Variants in DCTN1 observed in about 807,000 individuals in gnomAD.
DCTN1 encodes dynactin subunit 1, also known as 150 kDa dynein-associated polypeptide.
DCTN1 carries 61 observed loss-of-function variants against 161.2 expected under a neutral mutation model. The observed-to-expected ratio is 0.38, with a 90% CI of 0.31 to 0.47. DCTN1 has a LOEUF of 0.47. DCTN1 is among the 20% of genes least tolerant of loss of function. The probability of loss-of-function intolerance (pLI) is 0.99; values close to 1 mark genes in which losing one functional copy is unlikely to be tolerated. For missense variants in DCTN1, 1,404 were observed against 1,623.7 expected (o/e 0.86, Z 2.33); for synonymous variants, 653 against 632.4 (o/e 1.03, Z -0.49).
Position 74,364,674 on chromosome 2 carries a change from G to A in DCTN1, c.3196+401C>T, listed in dbSNP as rs148405274. On this transcript the variant is annotated intron_variant, in intron 26 of 31. Transcript: ENST00000628224. ...CATGAACTCAGTGAGAAAACACAGT[G>A]TCCAAGCAGAGAAGCAATCAAGAGC... 166 of 325,170 alleles carry A rather than the reference G, an allele frequency of 5.1e-4. 1 individual carries two copies. The highest frequency in any genetic ancestry group is 3.3e-3 in the African/African-American group (155 of 46,798). 20.1% of individuals were successfully genotyped at this position (325,170 alleles called of 1,614,324 possible).
intron 1 of DCTN1, chr2:74,390,608 ACT>A (rs1237096302): frequency 2.1e-6 from 1 of 467,340 alleles, no homozygotes; most frequent in Admixed American, 2.4e-5. Context: ...AGATAAAGTG[ACT>A]CTCTCAAGGC....
intron 5 of DCTN1, 114 bp from the exon 6 acceptor site, chr2:74,374,454 C>G: frequency 1.3e-6 from 2 of 1,573,086 alleles, no homozygotes; most frequent in Non-Finnish European, 8.6e-7. Context: ...GGCAAGAGAC[C>G]GAACAGAGGG....
In DCTN1 at chr2:74,378,349, CAG is replaced by C. The variant is rs1330859448; in HGVS notation, c.34-106_34-105del. The C allele has an allele frequency of 8.9e-6, 13 of 1,457,292 alleles. No homozygotes were observed. The Admixed American group carries it at 1.3e-4, about 15-fold the overall frequency. The allele number at this position is 1,457,292 out of a possible 1,614,324, so 90.3% of individuals were successfully genotyped here. A position where few individuals can be genotyped will look rare whatever the true frequency, so the allele number is the denominator to read the frequency against. ...CCAAGATGCTGGACTGAAAAACAAC[CAG>C]AGTCATTTTCTTAAACCCCATTTAC... On this transcript the variant is annotated intron_variant, in intron 1 of 31. Transcript: ENST00000628224.
rs1674338908 is a variant in DCTN1, at chr2:74,365,517, C to T, written c.3027G>A (p.Glu1009=). ...EETQALLRKK[E]KEFEETMDAL... ...AGGCCCCAGGGAAAGTGCCTGACTT[C>T]TCCTTCTTTCGCAGCAGTGCCTGGG... is the stretch of plus-strand genomic sequence containing the variant. The change falls in exon 25 of 32, where the codon GAG becomes GAA. Residue 1009 remains glutamate (E), a splice_region_variant and synonymous_variant. Coordinates refer to ENST00000628224, the MANE Select transcript of DCTN1 (RefSeq NM_004082.5). 1.2e-6 allele frequency: 2 copies of T among 1,614,118 alleles called. No homozygotes were observed. The highest frequency in any genetic ancestry group is 1.7e-6 in the Non-Finnish European group (2 of 1,180,010).
At chr2:74,385,427 C>A (rs1361651112) in intron 1 of DCTN1, 1 of 152,270 alleles carries the variant, frequency 6.6e-6, no homozygotes, top group African/African-American at 2.4e-5. Flanking sequence ...AATCAACCAG[C>A]AAGTTCCTGG....
chr2:74,367,426 G>A lies in DCTN1; in HGVS notation c.2185-6C>T, dbSNP rs1187703182. On this transcript the variant is annotated splice_polypyrimidine_tract_variant and splice_region_variant and intron_variant, in intron 18 of 31. Coordinates refer to ENST00000628224, the MANE Select transcript of DCTN1 (RefSeq NM_004082.5). ...AGGTGGATGCTGTACAGATGCTGAG[G>A]AGAGATAACAGACAGACAACTTTTA... 5.6e-6 allele frequency: 9 copies of A among 1,613,992 alleles called. No homozygotes were observed. In the African/African-American group the frequency reaches 9.3e-5, roughly 17 times the overall value.
At chr2:74,367,608 A>T (rs1312668449) in intron 18 of DCTN1, 88 bp downstream of exon 18, 45 of 1,588,732 alleles carry the variant, frequency 2.8e-5, no homozygotes, top group Non-Finnish European at 3.9e-5. Flanking sequence ...CAAGCATGGG[A>T]CATACAACCT....
At position 74,373,015 on chromosome 2, in the gene DCTN1, G is replaced by A. The variant is rs1185838915; in HGVS notation, c.433-67C>T. ...GAAAGGACAATGGCAGAAAGACAGA[G>A]AGCAAAAGGGACAGCAATGAGAGCA... On this transcript the variant is annotated intron_variant, in intron 6 of 31. Transcript: ENST00000628224. The A allele has an allele frequency of 4.1e-6, 6 of 1,449,878 alleles. No homozygotes were observed. The African/African-American group carries it at 5.6e-5, about 14-fold the overall frequency. The allele number at this position is 1,449,878 out of a possible 1,614,324, so 89.8% of individuals were successfully genotyped here.
At chr2:74,362,198 C>T in intron 30 of DCTN1, 57 bp from the exon 31 acceptor site, 1 of 1,524,092 alleles carries the variant, frequency 6.6e-7, no homozygotes, top group South Asian at 1.1e-5. Context: ...CAGGCTAGCA[C>T]AAGACCACGT....
At position 74,361,650 on chromosome 2, in the gene DCTN1, A is replaced by T; in HGVS notation, c.3700-14T>A. ...CTCCTCCTTGGCCTGGTGGTTGATG[A>T]GGAGAAAAAGACTCCAGGTCAGGGG... is the stretch of plus-strand genomic sequence containing the variant. On this transcript the variant is annotated splice_polypyrimidine_tract_variant and intron_variant, in intron 31 of 31. Transcript: ENST00000628224. 6.8e-6 allele frequency: 11 copies of T among 1,614,034 alleles called. No homozygotes were observed. The highest frequency in any genetic ancestry group is 8.5e-6 in the Non-Finnish European group (10 of 1,179,986).
At chr2:74,376,719 G>T (rs369106589) in intron 5 of DCTN1, 23 bp downstream of exon 5, 18 of 1,599,470 alleles carry the variant, frequency 1.1e-5, no homozygotes, top group Admixed American at 1.7e-5. Context: ...CATCCACCCA[G>T]GCACAAATAG....
rs777452161 is a variant in DCTN1, at chr2:74,363,327, G to A, written c.3312C>T (p.Ile1104=). Residue 1104 remains isoleucine, a synonymous_variant, in exon 28 of 32, where the codon ATC becomes ATT. Coordinates refer to ENST00000628224, the MANE Select transcript of DCTN1 (RefSeq NM_004082.5). ...TGCTGTTCTCATGCTGGAGCTGGGA[G>A]ATGTGCAGCCTCATGGCAGAGATCT... The part of the protein sequence containing the change: ...LQQISAMRLH[I]SQLQHENSIL... 3.7e-6 allele frequency: 6 copies of A among 1,613,638 alleles called. No homozygotes were observed. Among genetic ancestry groups the A allele is most frequent in the Non-Finnish European group, 5.1e-6 (6 of 1,179,858 alleles).
At chr2:74,375,657 G>C (rs1175752685) in intron 5 of DCTN1, among the ~76,000 whole-genome samples, 1 of 152,170 alleles carries the variant, frequency 6.6e-6, no homozygotes, top group African/African-American at 2.4e-5. Context: ...TGAAATGGAA[G>C]CCCCAACCAG....
Position 74,366,359 on chromosome 2 carries a change from G to C in DCTN1, c.2645C>G (p.Ser882Cys), listed in dbSNP as rs1246023690. 6.2e-7 allele frequency: 1 copy of C among 1,614,220 alleles called. No homozygotes were observed. The highest frequency in any genetic ancestry group is 8.5e-7 in the Non-Finnish European group (1 of 1,180,038). ...GCGCAGACACTCATAGGGGCTGCTGGAGGGGGTCCCATAGATCTGCAGGAG... is the reference window on the plus strand; with the variant it reads ...GCGCAGACACTCATAGGGGCTGCTGCAGGGGGTCCCATAGATCTGCAGGAG... ...KASEQIYGTP[S>C]SSPYECLRQS... is the part of the protein sequence containing the mutation. The change falls in exon 23 of 32, where the codon TCC (serine) becomes TGC (cysteine). Residue 882 changes from serine (S) to cysteine (C), a missense_variant. Transcript: ENST00000628224.
At position 74,366,906 on chromosome 2, in the gene DCTN1, G is replaced by T. The variant is rs1674457844; in HGVS notation, c.2343C>A (p.Ala781=). The change falls in exon 21 of 32, where the codon GCC becomes GCA. Residue 781 remains alanine, a synonymous_variant. Transcript: ENST00000628224. The part of the protein sequence containing the change: ...LQGGQEATDI[A]LLLRDLETSC... ...AAGTTTCCAGATCCCGGAGCAGGAG[G>T]GCAATATCTGTAGCCTCCTGCCCAC... 6.2e-7 allele frequency: 1 copy of T among 1,614,066 alleles called. No homozygotes were observed. Among genetic ancestry groups the T allele is most frequent in the African/African-American group, 1.3e-5 (1 of 74,934 alleles).
At chr2:74,385,664 C>T (rs1173936070) in intron 1 of DCTN1, 1 of 152,204 alleles carries the variant, frequency 6.6e-6, no homozygotes, top group Non-Finnish European at 1.5e-5. Context: ...AAATCAATCT[C>T]CTCAAACCAC....
At chr2:74,383,837 C>A (rs1379762545), upstream of DCTN1, 3 of 152,202 alleles carry the variant, frequency 2.0e-5, no homozygotes, top group Non-Finnish European at 4.4e-5. Context: ...TGTTACCTCA[C>A]AGGGACATTT....
intron 7 of DCTN1, 136 bp downstream of exon 7, chr2:74,372,792 A>G: frequency 1.1e-6 from 1 of 948,832 alleles, no homozygotes; most frequent in Non-Finnish European, 1.7e-6. Flanking sequence ...GCGAACCCCC[A>G]CCCTTTCCTC....
In DCTN1 at chr2:74,371,628, G is replaced by T; in HGVS notation, c.554C>A (p.Thr185Asn). The change falls in exon 8 of 32, where the codon ACC becomes AAC. Residue 185 changes from threonine to asparagine, a missense_variant. By Grantham distance (65) the Thr-to-Asn change is moderately conservative (BLOSUM62 0). Transcript: ENST00000628224. ...TGCTGCCAGCGGAGTCTGAGCCGGGGTGCTGGGCTCACTGCTGCTCAGCTC... is the reference window on the plus strand; with the variant it reads ...TGCTGCCAGCGGAGTCTGAGCCGGGTTGCTGGGCTCACTGCTGCTCAGCTC... Reference protein sequence around the residue: ...AGELSSSEPSTPAQTPLAAPI... With the variant: ...AGELSSSEPSNPAQTPLAAPI... 6.3e-7 allele frequency: 1 copy of T among 1,591,992 alleles called. No homozygotes were observed. The highest frequency in any genetic ancestry group is 8.5e-7 in the Non-Finnish European group (1 of 1,170,210).
Sources: gnomAD v4.1 joint callset for allele counts (sites outside exome capture counted in the v4.1 genomes callset) on GRCh38, gnomAD v4.1.1 for gene constraint, MANE v1.5 for transcripts, NCBI Gene and HGNC (gene_info 2026-07-23, HGNC 2026-07-21) for gene names.